The following MAST4 variants were observed in gnomAD, a reference collection of about 807,000 sequenced individuals.
The protein encoded by MAST4 is microtubule associated serine/threonine kinase family member 4, also known as microtubule-associated serine/threonine-protein kinase 4.
Under a neutral mutation model 162.7 loss-of-function variants are expected in MAST4, and 89 were observed. The observed-to-expected ratio is 0.55, with a 90% confidence interval of 0.46 to 0.65. MAST4 has a LOEUF of 0.65. Ranked by LOEUF, MAST4 falls within the 30% of genes least tolerant of loss-of-function variation. The pLI is 0.00. For synonymous variants in MAST4, 1,479 were observed against 1,361.1 expected, an observed-to-expected ratio of 1.09 and a Z score of -1.91; for missense variants, 3,153 against 3,374.0, an observed-to-expected ratio of 0.93 and a Z score of 1.62.
At chr5:66,895,075 T>C (rs1733029588) in intron 3 of MAST4, among the ~76,000 whole-genome samples, 1 of 152,152 alleles carries the variant, frequency 6.6e-6, no homozygotes, top group Admixed American at 6.5e-5. Context: ...TCATACTTTC[T>C]GGGTTTGATT....
At chr5:66,822,310 A>T (rs982121913) in intron 3 of MAST4, among the ~76,000 whole-genome samples, 3 of 152,172 alleles carry the variant, frequency 2.0e-5, no homozygotes, top group Non-Finnish European at 4.4e-5. Context: ...CTAAAAGGAA[A>T]GAGAATTAAG....
intron 24 of MAST4, among the ~76,000 whole-genome samples, chr5:67,151,706 G>A (rs1414936101): frequency 6.8e-6 from 1 of 148,128 alleles, no homozygotes; most frequent in African/African-American, 2.5e-5. Flanking sequence ...TTATAGAGAA[G>A]TCACCACTTC....
At chr5:66,693,906 A>G (rs906898739) in intron 1 of MAST4, among the ~76,000 whole-genome samples, 4 of 152,164 alleles carry the variant, frequency 2.6e-5, no homozygotes, top group Non-Finnish European at 5.9e-5. Context: ...GCTTTATACA[A>G]GGGGAGGGAT....
At chr5:67,083,328 C>A (rs976299322) in intron 5 of MAST4, among the ~76,000 whole-genome samples, 1 of 152,128 alleles carries the variant, frequency 6.6e-6, no homozygotes, top group Non-Finnish European at 1.5e-5. Context: ...CAGAGGCAAA[C>A]AAAATGTTTA....
At chr5:66,752,702 T>C (rs1753261197) in intron 1 of MAST4, among the ~76,000 whole-genome samples, 1 of 146,900 alleles carries the variant, frequency 6.8e-6, no homozygotes, top group East Asian at 2.0e-4. Flanking sequence ...AATGGGAGAC[T>C]TTAACACCCC....
chr5:66,742,227 C>T (rs757409176), intron 1 of MAST4, among the ~76,000 whole-genome samples: 12 of 152,138 alleles, frequency 7.9e-5, no homozygotes, highest in Admixed American at 1.3e-4. Context: ...GTTGCTCTCG[C>T]GGTTCATCTG....
Position 67,060,467 on chromosome 5 carries a change from G to A in MAST4, c.763+5975G>A, listed in dbSNP as rs1480254110. Among the ~76,000 whole-genome samples, 4 of 147,864 alleles carry A rather than the reference G, an allele frequency of 2.7e-5. No homozygotes were observed. In the East Asian group the frequency reaches 6.0e-4, roughly 22 times the overall value. ...CAGTGTGCCAGAGATACTCCTGGGA[G>A]TATCACAATTTTTTTTTTTTTTTTT... On this transcript the variant is annotated intron_variant, in intron 5 of 28. Transcript: ENST00000403625.
At chr5:67,048,143 G>T (rs1757603562) in intron 4 of MAST4, among the ~76,000 whole-genome samples, 1 of 152,078 alleles carries the variant, frequency 6.6e-6, no homozygotes, top group South Asian at 2.1e-4. Context: ...TCTTATCAAA[G>T]ACATTTTTCA....
chr5:66,869,061 G>A (rs980985687), intron 3 of MAST4, among the ~76,000 whole-genome samples: 10 of 152,098 alleles, frequency 6.6e-5, no homozygotes, highest in South Asian at 2.1e-4. Flanking sequence ...TTTTTTTCCC[G>A]ATGAGTAGGA....
intron 28 of MAST4, 91 bp downstream of exon 28, chr5:67,162,879 A>T: frequency 7.4e-7 from 1 of 1,356,756 alleles, no homozygotes. Context: ...TCCAGCTGAA[A>T]GAAAGCAGGT....
intron 3 of MAST4, among the ~76,000 whole-genome samples, chr5:66,855,626 T>C (rs893734659): frequency 1.3e-5 from 2 of 152,114 alleles, no homozygotes; most frequent in Non-Finnish European, 2.9e-5. Context: ...GGTGCTGTGA[T>C]GGGCAACGGG....
chr5:66,605,434 A>G (rs1050444458), intron 1 of MAST4, among the ~76,000 whole-genome samples: 11 of 152,242 alleles, frequency 7.2e-5, no homozygotes, highest in African/African-American at 9.6e-5. Context: ...TGTTAAGTCT[A>G]TGCAACCTGA....
chr5:67,075,512 A>G (rs1269276513), intron 5 of MAST4, among the ~76,000 whole-genome samples: 1 of 152,106 alleles, frequency 6.6e-6, no homozygotes, highest in Non-Finnish European at 1.5e-5. Context: ...TTGCTGAATA[A>G]AAATGTGATT....
intron 26 of MAST4, among the ~76,000 whole-genome samples, chr5:67,154,105 C>A (rs944210256): frequency 1.3e-5 from 2 of 152,194 alleles, no homozygotes; most frequent in African/African-American, 2.4e-5. Context: ...CCCCACCATA[C>A]AAATTAACTT....
At chr5:67,040,606 A>G (rs16896181) in intron 4 of MAST4, among the ~76,000 whole-genome samples, 4,011 of 152,264 alleles carry the variant, frequency 0.026, 80 homozygotes, top group Admixed American at 0.055. Flanking sequence ...TCTGATGTAA[A>G]GCTCCATAGC....
intron 4 of MAST4, among the ~76,000 whole-genome samples, chr5:66,937,453 G>A (rs1182491308): frequency 2.0e-5 from 3 of 152,146 alleles, no homozygotes; most frequent in Non-Finnish European, 4.4e-5. Context: ...TTATTTTGGT[G>A]CATAGTAGGA....
chr5:67,073,515 A>G (rs1761220909), intron 5 of MAST4, among the ~76,000 whole-genome samples: 2 of 152,220 alleles, frequency 1.3e-5, no homozygotes, highest in Non-Finnish European at 2.9e-5. Flanking sequence ...ACTGGAGGCC[A>G]TAAAGATGAC....
At chr5:66,872,967 G>A (rs1376815908) in intron 3 of MAST4, among the ~76,000 whole-genome samples, 12 of 152,198 alleles carry the variant, frequency 7.9e-5, no homozygotes, top group Non-Finnish European at 1.6e-4. Context: ...TCACCATGCA[G>A]TGTGTTCTAT....
intron 1 of MAST4, among the ~76,000 whole-genome samples, chr5:66,621,034 G>T (rs1744044062): frequency 6.6e-6 from 1 of 151,844 alleles, no homozygotes; most frequent in African/African-American, 2.4e-5. Context: ...TGAATTCTCT[G>T]AGCACCAGCA....
Sources: gnomAD v4.1 joint callset for allele counts (sites outside exome capture counted in the v4.1 genomes callset) on GRCh38, gnomAD v4.1.1 for gene constraint, MANE v1.5 for transcripts, NCBI Gene and HGNC (gene_info 2026-07-23, HGNC 2026-07-21) for gene names.